Variants in LEPR observed in about 807,000 individuals in gnomAD.
LEPR encodes leptin receptor.
Under a neutral mutation model 114.7 loss-of-function variants are expected in LEPR, and 56 were observed. The observed-to-expected ratio is 0.49, with a 90% CI of 0.39 to 0.61. The LOEUF (loss-of-function observed/expected upper bound fraction) is 0.61. Among genes scored for constraint, LEPR ranks in the 20% least tolerant of loss-of-function variants. LEPR has a pLI of 0.00. For missense variants in LEPR, 1,202 were observed against 1,352.9 expected (o/e 0.89, Z 1.75); for synonymous variants, 443 against 461.4 (o/e 0.96, Z 0.51).
intron 1 of LEPR, among the ~76,000 whole-genome samples, chr1:65,424,829 G>A (rs943251440): frequency 2.0e-5 from 3 of 152,098 alleles, no homozygotes; most frequent in African/African-American, 7.2e-5. Flanking sequence ...TCATCCCATC[G>A]TGGAGACCCC....
intron 8 of LEPR, 25 bp from the exon 9 acceptor site, chr1:65,601,367 G>GAT: frequency 6.2e-7 from 1 of 1,609,120 alleles, no homozygotes; most frequent in Non-Finnish European, 8.5e-7. Flanking sequence ...GTCTTCATCT[G>GAT]ATATCCTTTC....
intron 2 of LEPR, among the ~76,000 whole-genome samples, chr1:65,448,081 C>T (rs950847184): frequency 6.6e-6 from 1 of 152,142 alleles, no homozygotes; most frequent in African/African-American, 2.4e-5. Context: ...TGAGAGGGAA[C>T]ATCCTTATCT....
At chr1:65,455,992 T>A (rs1237794242) in intron 2 of LEPR, among the ~76,000 whole-genome samples, 1 of 149,048 alleles carries the variant, frequency 6.7e-6, no homozygotes, top group East Asian at 1.9e-4. Context: ...TGGTGCGCCA[T>A]TTTTTAAGCC....
At chr1:65,600,081 T>C (rs1656342983) in intron 8 of LEPR, among the ~76,000 whole-genome samples, 1 of 152,164 alleles carries the variant, frequency 6.6e-6, no homozygotes, top group Non-Finnish European at 1.5e-5. Context: ...ATCTTTAAAA[T>C]GAAAAACTTC....
intron 2 of LEPR, chr1:65,434,432 ATTCT>A (rs1306973457): frequency 5.1e-6 from 5 of 985,236 alleles, no homozygotes; most frequent in Non-Finnish European, 2.4e-6. Flanking sequence ...TTATGAAGGG[ATTCT>A]TTATCATGTT....
chr1:65,551,330 G>T (rs1409418027), intron 2 of LEPR, among the ~76,000 whole-genome samples: 1 of 152,220 alleles, frequency 6.6e-6, no homozygotes, highest in East Asian at 1.9e-4. Context: ...ATTCGGCTGT[G>T]AATCTGTCTG....
At chr1:65,562,768 G>A (rs1196775318) in intron 2 of LEPR, among the ~76,000 whole-genome samples, 8 of 33,862 alleles carry the variant, frequency 2.4e-4, no homozygotes, top group Middle Eastern at 0.038. Context: ...AAATCTCTCA[G>A]CATTTGCTTG....
chr1:65,508,869 A>G (rs1385318831), intron 2 of LEPR, among the ~76,000 whole-genome samples: 2 of 151,806 alleles, frequency 1.3e-5, no homozygotes, highest in African/African-American at 2.4e-5. Flanking sequence ...TATTTCATCA[A>G]TGTTTTATAG....
intron 14 of LEPR, among the ~76,000 whole-genome samples, chr1:65,611,099 A>G (rs370045843): frequency 5.3e-5 from 8 of 152,216 alleles, no homozygotes; most frequent in African/African-American, 1.9e-4. Context: ...TTCCATTTCA[A>G]TATTTCTTAA....
Position 65,433,897 on chromosome 1 carries a change from T to C in LEPR, c.-21+8519T>C, listed in dbSNP as rs968647042. The C allele has an allele frequency of 2.0e-5, 20 of 985,200 alleles. 1 individual carries two copies. In the African/African-American group the frequency reaches 3.3e-4, roughly 16 times the overall value. The allele number at this position is 985,200 out of a possible 1,614,324, so 61.0% of individuals were successfully genotyped here. On this transcript the variant is annotated intron_variant, in intron 2 of 19. Transcript: ENST00000349533. ...CTTGATGTTTTAAAATGGGCAGTTT[T>C]GAGCAATAATCTGTCCTAACAGAAC...
intron 11 of LEPR, among the ~76,000 whole-genome samples, chr1:65,606,803 TG>T (rs1403441438): frequency 1.3e-5 from 2 of 152,172 alleles, no homozygotes; most frequent in Admixed American, 6.5e-5. Flanking sequence ...CCTGGGTTGG[TG>T]GAGAATGTCT....
At chr1:65,491,708 A>G (rs1276012375) in intron 2 of LEPR, among the ~76,000 whole-genome samples, 1 of 152,070 alleles carries the variant, frequency 6.6e-6, no homozygotes, top group Non-Finnish European at 1.5e-5. Context: ...GATCATCTTG[A>G]TTATTTTACC....
chr1:65,512,101 C>T lies in LEPR; in HGVS notation c.-20-53445C>T, dbSNP rs145475609. Among the ~76,000 whole-genome samples the T allele has an allele frequency of 1.1e-3, 173 of 152,180 alleles. 2 individuals carry two copies. The highest frequency in any genetic ancestry group is 4.0e-3 in the African/African-American group (167 of 41,520). On this transcript the variant is annotated intron_variant, in intron 2 of 19. Transcript: ENST00000349533. ...CAAGAGGGTGAAGGGGGAGATGCTA[C>T]ACACTTTTAAACCAGCAGATGTTGT...
intron 10 of LEPR, among the ~76,000 whole-genome samples, chr1:65,602,820 G>GA (rs1197055093): frequency 1.3e-5 from 2 of 151,968 alleles, no homozygotes; most frequent in Non-Finnish European, 2.9e-5. Flanking sequence ...GTAGCGTTAG[G>GA]AAAAAAATGT....
At position 65,639,440 on chromosome 1, in the gene LEPR, T is replaced by G. The variant is rs1658804246; in HGVS notation, c.*2425T>G. 1 of 152,220 alleles carries G rather than the reference T, an allele frequency of 6.6e-6. No individual in the cohort carries two copies. The highest frequency in any genetic ancestry group is 1.5e-5 in the Non-Finnish European group (1 of 68,030). The allele number at this position is 152,220 out of a possible 1,614,324, so 9.4% of individuals were successfully genotyped here. A position where few individuals can be genotyped will look rare whatever the true frequency, so the allele number is the denominator to read the frequency against. The stretch of plus-strand genomic sequence containing the variant: ...AATTCTGATTTCCACTTTTGAAAGT[T>G]TATTTCACTATGTATCATTACATTT... On this transcript the variant is annotated 3_prime_UTR_variant, in exon 20 of 20. Transcript: ENST00000349533.
In LEPR at chr1:65,636,267, C is replaced by T; in HGVS notation, c.2750C>T (p.Thr917Ile). The T allele has an allele frequency of 6.2e-7, 1 of 1,613,870 alleles. No individual in the cohort carries two copies. The highest frequency in any genetic ancestry group is 8.5e-7 in the Non-Finnish European group (1 of 1,179,878). ...TCGPLLLEPE[T>I]ISEDISVDTS... ...GGTCCTCTTCTTTTGGAGCCTGAAA[C>T]AATTTCAGAAGATATCAGTGTTGAT... is the stretch of plus-strand genomic sequence containing the variant. Residue 917 changes from threonine to isoleucine, a missense_variant, in exon 20 of 20, where the codon ACA becomes ATA. Transcript: ENST00000349533.
intron 2 of LEPR, among the ~76,000 whole-genome samples, chr1:65,446,549 G>A (rs1247145282): frequency 6.6e-6 from 1 of 152,064 alleles, no homozygotes; most frequent in Non-Finnish European, 1.5e-5. Flanking sequence ...ATCTTTTAAT[G>A]TACTTATTTA....
At chr1:65,623,176 C>A in intron 19 of LEPR, 195 bp downstream of exon 19, 1 of 593,068 alleles carries the variant, frequency 1.7e-6, no homozygotes, top group Non-Finnish European at 2.9e-6. Flanking sequence ...CAAATTTCAG[C>A]GCATAGTTTA....
At chr1:65,624,005 A>G (rs936013696) in intron 19 of LEPR, among the ~76,000 whole-genome samples, 1 of 152,010 alleles carries the variant, frequency 6.6e-6, no homozygotes, top group African/African-American at 2.4e-5. Flanking sequence ...AAGTTCCTAG[A>G]TCATTGTACT....
Sources: allele counts gnomAD v4.1 joint callset (sites outside exome capture counted in the v4.1 genomes callset), GRCh38; gene constraint gnomAD v4.1.1; transcripts MANE v1.5; gene names NCBI Gene and HGNC (gene_info 2026-07-23, HGNC 2026-07-21).